The following ATP8B4 variants were observed in gnomAD, a reference collection of about 807,000 sequenced individuals.
ATP8B4 encodes probable phospholipid-transporting ATPase IM.
A neutral mutation model predicts 145.6 loss-of-function variants in ATP8B4; 133 were observed. The observed-to-expected ratio is 0.91, with a 90% confidence interval of 0.79 to 1.05. The LOEUF is 1.05. Among genes scored for constraint, ATP8B4 ranks in the 50% least tolerant of loss-of-function variants. The pLI, the probability that ATP8B4 is intolerant of heterozygous loss-of-function variation, is 0.00. For missense variants in ATP8B4, 1,458 were observed against 1,425.2 expected, an observed-to-expected ratio of 1.02 and a Z score of -0.37; for synonymous variants, 507 against 492.9, an observed-to-expected ratio of 1.03 and a Z score of -0.38.
chr15:49,922,285 G>A, intron 17 of ATP8B4: 1 of 319,754 alleles, frequency 3.1e-6, no homozygotes, highest in South Asian at 2.6e-5. Flanking sequence ...CTATAGTTTA[G>A]TATTAAAGGA....
At chr15:49,922,220 T>C in intron 17 of ATP8B4, 1 of 182,238 alleles carries the variant, frequency 5.5e-6, no homozygotes, top group Non-Finnish European at 1.2e-5. Flanking sequence ...TAAATTTATA[T>C]TACCTGAAAA....
intron 15 of ATP8B4, among the ~76,000 whole-genome samples, chr15:49,933,534 A>G (rs1485150198): frequency 6.6e-6 from 1 of 152,058 alleles, no homozygotes; most frequent in Non-Finnish European, 1.5e-5. Context: ...CCTAAATAAG[A>G]CTATTCTAAT....
intron 23 of ATP8B4, chr15:49,879,672 G>A (rs751326887): frequency 5.9e-6 from 3 of 504,510 alleles, no homozygotes; most frequent in Admixed American, 3.7e-5. Context: ...TATCTCTAAA[G>A]TGATGTATAC....
rs148623395 is a variant in ATP8B4 at position 49,881,179 on chromosome 15, A to T, written c.2698-1720T>A. Reference sequence around the variant, plus strand: ...GCATTTGCCAATTTCCATGGTATAAATATTCCTCCATGACTGATTTCAAGC... The same window carrying T: ...GCATTTGCCAATTTCCATGGTATAATTATTCCTCCATGACTGATTTCAAGC... On this transcript the variant is annotated intron_variant, in intron 23 of 27. Coordinates refer to ENST00000284509, the MANE Select transcript of ATP8B4 (RefSeq NM_024837.4). Among the ~76,000 whole-genome samples, 9 of 152,102 alleles carry T rather than the reference A, an allele frequency of 5.9e-5. No homozygotes were observed. The East Asian group carries it at 1.7e-3, about 29-fold the overall frequency.
At chr15:50,094,687 T>C (rs2055846530) in intron 2 of ATP8B4, among the ~76,000 whole-genome samples, 2 of 136,644 alleles carry the variant, frequency 1.5e-5, no homozygotes, top group Non-Finnish European at 1.6e-5. Context: ...TATTTGTATA[T>C]ATGTGTGTGT....
In ATP8B4 at chr15:49,931,325, A is replaced by G. The variant is rs1235044368; in HGVS notation, c.1454-18T>C. The G allele has an allele frequency of 6.2e-7, 1 of 1,605,058 alleles. No homozygotes were observed. The highest frequency in any genetic ancestry group is 1.7e-5 in the Admixed American group (1 of 59,532). ...CAGCTCTCCTAAAAGGTAAAGAAAC[A>G]AGTGTATCAATACTGACTAACAGCT... On this transcript the variant is annotated intron_variant, in intron 15 of 27. Transcript: ENST00000284509.
At chr15:49,942,175 C>A (rs1051433116) in intron 14 of ATP8B4, among the ~76,000 whole-genome samples, 11 of 151,826 alleles carry the variant, frequency 7.2e-5, no homozygotes, top group Non-Finnish European at 1.5e-4. Flanking sequence ...CCACTTGTAC[C>A]CCAAATGCTA....
chr15:50,173,455 C>T (rs1316102752), intron 1 of ATP8B4, among the ~76,000 whole-genome samples: 6 of 152,050 alleles, frequency 3.9e-5, no homozygotes, highest in East Asian at 1.9e-4. Flanking sequence ...GGATTAAGGG[C>T]GGTGCAAGAT....
At chr15:50,059,135 A>C (rs1270905429) in intron 3 of ATP8B4, among the ~76,000 whole-genome samples, 1 of 152,182 alleles carries the variant, frequency 6.6e-6, no homozygotes, top group Non-Finnish European at 1.5e-5. Flanking sequence ...GACTATCATA[A>C]ATTTGCTTTG....
chr15:49,903,760 GGCACAT>G (rs1331533243), intron 20 of ATP8B4, among the ~76,000 whole-genome samples: 1 of 152,148 alleles, frequency 6.6e-6, no homozygotes, highest in Non-Finnish European at 1.5e-5. Context: ...TAGGCTTGGT[GGCACAT>G]GCCTGTAATC....
At chr15:49,954,937 C>T (rs541171847) in intron 14 of ATP8B4, among the ~76,000 whole-genome samples, 60 of 152,256 alleles carry the variant, frequency 3.9e-4, no homozygotes, top group African/African-American at 8.7e-4. Context: ...TGCCCATCAG[C>T]GGTGGATAGG....
intron 13 of ATP8B4, 77 bp from the exon 14 acceptor site, chr15:49,962,097 C>G: frequency 8.9e-7 from 1 of 1,119,134 alleles, no homozygotes; most frequent in Non-Finnish European, 1.3e-6. Context: ...AAGGAATACA[C>G]TTATTATTTA....
chr15:49,926,275 A>G (rs981537171), intron 16 of ATP8B4, among the ~76,000 whole-genome samples: 1 of 152,110 alleles, frequency 6.6e-6, no homozygotes, highest in Non-Finnish European at 1.5e-5. Flanking sequence ...CTCCTCTTAT[A>G]TCCCCAGTCT....
At chr15:49,963,054 TAAAC>T (rs2044219468) in intron 13 of ATP8B4, among the ~76,000 whole-genome samples, 1 of 151,606 alleles carries the variant, frequency 6.6e-6, no homozygotes, top group Non-Finnish European at 1.5e-5. Context: ...ACAAGGAACT[TAAAC>T]AAATTTACAA....
chr15:49,868,664 G>A (rs1273925347), intron 25 of ATP8B4, among the ~76,000 whole-genome samples: 1 of 152,110 alleles, frequency 6.6e-6, no homozygotes, highest in Non-Finnish European at 1.5e-5. Flanking sequence ...ACATGTAAGA[G>A]TTGGGGATGG....
chr15:49,879,130 T>C (rs1011959310), intron 24 of ATP8B4, among the ~76,000 whole-genome samples: 2 of 152,194 alleles, frequency 1.3e-5, no homozygotes, highest in African/African-American at 4.8e-5. Context: ...TTTAGAGCAA[T>C]CTATGGGGTG....
chr15:50,100,875 C>A (rs930169203), intron 2 of ATP8B4, among the ~76,000 whole-genome samples: 8 of 152,012 alleles, frequency 5.3e-5, no homozygotes, highest in African/African-American at 1.9e-4. Flanking sequence ...AGTTCCATTC[C>A]TCATCAAAAA....
At chr15:49,874,344 CTG>C (rs1335490795) in intron 25 of ATP8B4, among the ~76,000 whole-genome samples, 4 of 152,130 alleles carry the variant, frequency 2.6e-5, no homozygotes, top group Non-Finnish European at 2.9e-5. Flanking sequence ...GTGAGGGAAA[CTG>C]AGAGAAGAAT....
intron 23 of ATP8B4, among the ~76,000 whole-genome samples, chr15:49,881,105 C>A (rs1181761260): frequency 6.9e-6 from 1 of 145,190 alleles, no homozygotes; most frequent in Non-Finnish European, 1.5e-5. Context: ...AAGCAAGACT[C>A]CGTCTCAAAA....
Sources: allele counts gnomAD v4.1 joint callset (sites outside exome capture counted in the v4.1 genomes callset), GRCh38; gene constraint gnomAD v4.1.1; transcripts MANE v1.5; gene names NCBI Gene and HGNC (gene_info 2026-07-23, HGNC 2026-07-21).